POLE2: variants seen among roughly 807,000 people sequenced by gnomAD.
POLE2 encodes DNA polymerase epsilon subunit 2.
A neutral mutation model predicts 79.4 loss-of-function variants in POLE2; 56 were observed. The ratio of observed to expected loss-of-function variants is 0.71; its 90% confidence interval spans 0.57 to 0.88. POLE2 has a LOEUF of 0.88. POLE2 is among the 40% of genes least tolerant of loss of function. The pLI is 0.00. For missense variants in POLE2, 598 were observed against 638.9 expected (o/e 0.94, Z 0.69); for synonymous variants, 212 against 214.0 (o/e 0.99, Z 0.08).
chr14:49,648,721 GC>G (rs1566525746), intron 17 of POLE2, among the ~76,000 whole-genome samples: 1 of 152,192 alleles, frequency 6.6e-6, no homozygotes, highest in South Asian at 2.1e-4. Flanking sequence ...GCACAGGATA[GC>G]CCCCACCACC....
chr14:49,672,466 T>A (rs1361825402), intron 5 of POLE2, among the ~76,000 whole-genome samples: 1 of 151,208 alleles, frequency 6.6e-6, no homozygotes, highest in African/African-American at 2.4e-5. Flanking sequence ...TATAACACCA[T>A]CCTCACCTGG....
In POLE2 at chr14:49,688,194, C is replaced by A; in HGVS notation, c.10G>T (p.Glu4Ter). Reference sequence around the variant, plus strand: ...GAGAGCGCCCGGCTCCGCAGCCGCTCCGGCGCCATATTTGCGATTTGGCGC... The same window carrying A: ...GAGAGCGCCCGGCTCCGCAGCCGCTACGGCGCCATATTTGCGATTTGGCGC... MAP[E>*]RLRSRALSAF... The change falls in exon 1 of 19, where the codon GAG becomes TAG. Residue 4 changes from glutamate to a stop codon, truncating the protein, a stop_gained. Transcript: ENST00000216367. LOFTEE classifies it high-confidence loss of function. 6.5e-7 allele frequency: 1 copy of A among 1,532,528 alleles called. No homozygotes were observed. The highest frequency in any genetic ancestry group is 8.8e-7 in the Non-Finnish European group (1 of 1,141,292). 94.9% of individuals were successfully genotyped at this position (1,532,528 alleles called of 1,614,324 possible).
At chr14:49,657,724 G>A (rs1403986219) in intron 10 of POLE2, among the ~76,000 whole-genome samples, 2 of 152,164 alleles carry the variant, frequency 1.3e-5, no homozygotes, top group Admixed American at 6.5e-5. Context: ...ACAGGCATGA[G>A]CCACCACGCC....
chr14:49,657,252 C>T (rs1884756035), intron 10 of POLE2, among the ~76,000 whole-genome samples: 1 of 151,924 alleles, frequency 6.6e-6, no homozygotes, highest in African/African-American at 2.4e-5. Flanking sequence ...AACAATATTT[C>T]ACAGTAATAG....
chr14:49,651,663 T>C (rs978660968), intron 15 of POLE2, among the ~76,000 whole-genome samples: 1 of 152,038 alleles, frequency 6.6e-6, no homozygotes, highest in Non-Finnish European at 1.5e-5. Context: ...GCGAACATAA[T>C]CATATAGTAT....
chr14:49,677,337 C>T (rs1594609849), intron 3 of POLE2: 2 of 519,702 alleles, frequency 3.8e-6, no homozygotes, highest in African/African-American at 1.9e-5. Flanking sequence ...TGGCAACTTC[C>T]TGACTTAGGA....
Sources: gnomAD v4.1 joint callset for allele counts (sites outside exome capture counted in the v4.1 genomes callset) on GRCh38, gnomAD v4.1.1 for gene constraint, MANE v1.5 for transcripts, NCBI Gene and HGNC (gene_info 2026-07-23, HGNC 2026-07-21) for gene names.